Variants in BMPR1B observed in about 807,000 individuals in gnomAD.
BMPR1B encodes the protein bone morphogenetic protein receptor type-1B.
BMPR1B carries 12 observed loss-of-function variants against 59.1 expected under a neutral mutation model. The observed-to-expected ratio is 0.20, with a 90% CI of 0.13 to 0.33. BMPR1B has a LOEUF of 0.33. Among genes scored for constraint, BMPR1B ranks in the 10% least tolerant of loss-of-function variants. The pLI, the probability that BMPR1B is intolerant of heterozygous loss-of-function variation, is 1.00. For synonymous variants in BMPR1B, 237 were observed against 207.3 expected, an observed-to-expected ratio of 1.14 and a Z score of -1.23; for missense variants, 550 against 610.9, an observed-to-expected ratio of 0.90 and a Z score of 1.05.
intron 10 of BMPR1B, among the ~76,000 whole-genome samples, chr4:95,139,762 C>T (rs1046320385): frequency 5.3e-5 from 8 of 152,140 alleles, no homozygotes; most frequent in Non-Finnish European, 1.2e-4. Context: ...TCCTGGTGTG[C>T]CGTTTGCTAA....
chr4:94,976,359 A>G (rs562762288), intron 2 of BMPR1B, among the ~76,000 whole-genome samples: 22 of 152,352 alleles, frequency 1.4e-4, no homozygotes, highest in Non-Finnish European at 3.1e-4. Context: ...GTGAGGTAAT[A>G]TAGACTCCAA....
chr4:94,871,976 C>T (rs372983819), intron 1 of BMPR1B, among the ~76,000 whole-genome samples: 3 of 152,192 alleles, frequency 2.0e-5, no homozygotes, highest in African/African-American at 4.8e-5. Flanking sequence ...TTTCTAAGGT[C>T]GTACCTTTTA....
intron 3 of BMPR1B, among the ~76,000 whole-genome samples, chr4:95,082,872 A>G (rs193212068): frequency 1.3e-5 from 2 of 151,836 alleles, no homozygotes; most frequent in Non-Finnish European, 2.9e-5. Flanking sequence ...CCTCGTCTCT[A>G]CTAAAAATAC....
At chr4:95,073,627 A>G (rs568706906) in intron 3 of BMPR1B, among the ~76,000 whole-genome samples, 1 of 152,294 alleles carries the variant, frequency 6.6e-6, no homozygotes, top group South Asian at 2.1e-4. Context: ...GATACTCTGG[A>G]TAACTTCTTC....
At chr4:94,771,540 T>C (rs1246733546) in intron 1 of BMPR1B, among the ~76,000 whole-genome samples, 4 of 152,162 alleles carry the variant, frequency 2.6e-5, no homozygotes, top group African/African-American at 7.2e-5. Flanking sequence ...GATAAAGACT[T>C]GGGTTATCAA....
In BMPR1B at chr4:95,099,608, GCA is replaced by G. The variant is rs542638793; in HGVS notation, c.-17-4792_-17-4791del. On this transcript the variant is annotated intron_variant, in intron 3 of 12. Coordinates refer to ENST00000515059, the MANE Select transcript of BMPR1B (RefSeq NM_001203.3). ...CTCTCTCTGTTTCACGCGCGCACAC[GCA>G]CACACACGCACACACACGTTACAGT... is the stretch of plus-strand genomic sequence containing the variant. Among the ~76,000 whole-genome samples the G allele has an allele frequency of 3.2e-4, 48 of 151,896 alleles. 1 individual carries two copies. In the East Asian group the frequency reaches 5.0e-3, roughly 16 times the overall value.
In BMPR1B at chr4:95,096,745, CTATA is replaced by C. The variant is rs372627122; in HGVS notation, c.-17-7658_-17-7655del. 1.8e-3 allele frequency among the ~76,000 whole-genome samples: 31 copies of C among 16,856 alleles called. 1 individual carries two copies. The highest frequency in any genetic ancestry group is 5.6e-3 in the South Asian group (2 of 358). The allele number at this position is 16,856 out of a possible 152,430, so 11.1% of individuals were successfully genotyped here. Reference sequence around the variant, plus strand: ...TATAACTATATATAGTTATATATAACTATATATAGTTATATATAACTATGTATAG... The same window carrying C: ...TATAACTATATATAGTTATATATAACTATAGTTATATATAACTATGTATAG... On this transcript the variant is annotated intron_variant, in intron 3 of 12. Coordinates refer to ENST00000515059, the MANE Select transcript of BMPR1B (RefSeq NM_001203.3).
At chr4:94,799,751 C>T (rs898625043) in intron 1 of BMPR1B, among the ~76,000 whole-genome samples, 6 of 151,514 alleles carry the variant, frequency 4.0e-5, no homozygotes, top group Non-Finnish European at 7.4e-5. Flanking sequence ...AGTGCAGTGG[C>T]GCAATTTCGG....
At chr4:95,000,340 A>C (rs1722350240) in intron 3 of BMPR1B, among the ~76,000 whole-genome samples, 1 of 152,254 alleles carries the variant, frequency 6.6e-6, no homozygotes, top group South Asian at 2.1e-4. Flanking sequence ...TCAATTTGGA[A>C]CTTTTTTTCA....
chr4:94,995,167 C>T (rs1721981939), intron 2 of BMPR1B, among the ~76,000 whole-genome samples: 1 of 152,026 alleles, frequency 6.6e-6, no homozygotes, highest in Non-Finnish European at 1.5e-5. Flanking sequence ...CACCTGCAAA[C>T]CATGTACTGT....
chr4:94,863,591 G>A (rs1726087363), intron 1 of BMPR1B, among the ~76,000 whole-genome samples: 1 of 152,152 alleles, frequency 6.6e-6, no homozygotes, highest in Non-Finnish European at 1.5e-5. Context: ...TTTAGGTTGT[G>A]TATTTTCCTC....
chr4:95,058,746 C>A lies in BMPR1B; in HGVS notation c.-17-45662C>A, dbSNP rs140368391. ...AACTAAGTCTTTGCTAAAGTGTTTA[C>A]CTTTATTTTCTCTCTAAAAGAAAAC... is the stretch of plus-strand genomic sequence containing the variant. On this transcript the variant is annotated intron_variant, in intron 3 of 12. Transcript: ENST00000515059. Among the ~76,000 whole-genome samples, 456 of 152,216 alleles carry A rather than the reference C, an allele frequency of 3.0e-3. 5 individuals are homozygous for A. Among genetic ancestry groups the A allele is most frequent in the African/African-American group, 0.01 (434 of 41,548 alleles).
intron 1 of BMPR1B, among the ~76,000 whole-genome samples, chr4:94,840,212 A>G (rs1485156136): frequency 2.0e-5 from 3 of 146,816 alleles, no homozygotes; most frequent in Non-Finnish European, 4.6e-5. Context: ...CTTCATTTCA[A>G]CTTTGGTGAA....
intron 2 of BMPR1B, among the ~76,000 whole-genome samples, chr4:94,918,185 T>A (rs542200027): frequency 2.8e-4 from 43 of 152,176 alleles, no homozygotes; most frequent in Non-Finnish European, 5.3e-4. Flanking sequence ...ATACAAGTTT[T>A]TTTTCAATTA....
chr4:94,806,373 T>C (rs967493065), intron 1 of BMPR1B, among the ~76,000 whole-genome samples: 2 of 152,248 alleles, frequency 1.3e-5, no homozygotes, highest in Non-Finnish European at 2.9e-5. Flanking sequence ...CTCATTGTTT[T>C]AGCAGATTAT....
intron 2 of BMPR1B, among the ~76,000 whole-genome samples, chr4:94,890,259 T>A (rs1727338230): frequency 6.6e-6 from 1 of 151,804 alleles, no homozygotes; most frequent in Non-Finnish European, 1.5e-5. Context: ...CTGAAAGAGG[T>A]TTTGTGTAGG....
chr4:94,832,650 G>A (rs1339392850), intron 1 of BMPR1B, among the ~76,000 whole-genome samples: 1 of 152,116 alleles, frequency 6.6e-6, no homozygotes, highest in Non-Finnish European at 1.5e-5. Context: ...AGACCTGGTG[G>A]TGTACGCCTG....
At chr4:94,948,913 G>A (rs35247579) in intron 2 of BMPR1B, among the ~76,000 whole-genome samples, 13,816 of 152,174 alleles carry the variant, frequency 0.091, 663 homozygotes, top group South Asian at 0.13. Context: ...CTAGTAGGGA[G>A]GCAGTGAATG....
intron 1 of BMPR1B, among the ~76,000 whole-genome samples, chr4:94,777,443 T>A (rs930724591): frequency 1.3e-5 from 2 of 152,178 alleles, no homozygotes; most frequent in Non-Finnish European, 2.9e-5. Context: ...TTTTATTACA[T>A]TATAAAAGAA....
Sources: allele counts gnomAD v4.1 joint callset (sites outside exome capture counted in the v4.1 genomes callset), GRCh38; gene constraint gnomAD v4.1.1; transcripts MANE v1.5; gene names NCBI Gene and HGNC (gene_info 2026-07-23, HGNC 2026-07-21).